COG2: variants seen among roughly 807,000 people sequenced by gnomAD.
The protein encoded by COG2 is conserved oligomeric Golgi complex subunit 2.
In COG2, 52 loss-of-function variants were observed where a neutral mutation model predicts 90.6. The observed-to-expected ratio is 0.57, with a 90% confidence interval of 0.46 to 0.72. COG2 has a LOEUF of 0.72. COG2 is among the 30% of genes least tolerant of loss of function. The pLI is 0.00. For synonymous variants in COG2, 337 were observed against 320.4 expected, an observed-to-expected ratio of 1.05 and a Z score of -0.55; for missense variants, 829 against 891.2, an observed-to-expected ratio of 0.93 and a Z score of 0.89.
chr1:230,691,350 C>A, intron 16 of COG2, 34 bp from the exon 17 acceptor site: 1 of 1,550,374 alleles, frequency 6.5e-7, no homozygotes, highest in South Asian at 1.2e-5. Flanking sequence ...ACACAAATGC[C>A]TCTTTTCACC....
chr1:230,660,162 T>A (rs1662149622), intron 2 of COG2, among the ~76,000 whole-genome samples: 1 of 152,232 alleles, frequency 6.6e-6, no homozygotes, highest in African/African-American at 2.4e-5. Flanking sequence ...TTGGTCATCC[T>A]GTTCCTATTT....
intron 10 of COG2, chr1:230,679,431 T>C (rs74143000): frequency 0.037 from 5,809 of 157,454 alleles, 205 homozygotes; most frequent in East Asian, 0.14. Context: ...AATGAACCTG[T>C]CTCACATCTG....
At chr1:230,645,109 C>A (rs1661734567) in intron 1 of COG2, among the ~76,000 whole-genome samples, 1 of 151,742 alleles carries the variant, frequency 6.6e-6, no homozygotes, top group Non-Finnish European at 1.5e-5. Context: ...GTGGCACATA[C>A]CTGTAGTCCC....
chr1:230,655,757 T>C (rs1296374558), intron 1 of COG2, among the ~76,000 whole-genome samples: 1 of 152,250 alleles, frequency 6.6e-6, no homozygotes, highest in Non-Finnish European at 1.5e-5. Context: ...AGGCTATTAA[T>C]TGCTGCCTCA....
intron 11 of COG2, among the ~76,000 whole-genome samples, chr1:230,684,140 A>G (rs1662827655): frequency 6.6e-6 from 1 of 152,162 alleles, no homozygotes; most frequent in African/African-American, 2.4e-5. Flanking sequence ...GTTTTGGTGT[A>G]TAGAGTTCTT....
intron 7 of COG2, 72 bp downstream of exon 7, chr1:230,669,607 A>G: frequency 7.6e-7 from 1 of 1,310,996 alleles, no homozygotes; most frequent in South Asian, 1.4e-5. Context: ...GGTGTGAGGA[A>G]GATAAGAAGA....
rs142223885 is a variant in COG2 at position 230,671,946 on chromosome 1, A to G, written c.899+306A>G. Among the ~76,000 whole-genome samples, 491 of 152,306 alleles carry G rather than the reference A, an allele frequency of 3.2e-3. 4 individuals carry two copies. The highest frequency in any genetic ancestry group is 8.5e-3 in the African/African-American group (353 of 41,584). On this transcript the variant is annotated intron_variant, in intron 8 of 17. Coordinates refer to ENST00000366669, the MANE Select transcript of COG2 (RefSeq NM_007357.3). ...TTGAAGTCAGAATTGCTTTCCTTCC[A>G]TGATTCTAATATGTCATAATCTGTC...
chr1:230,686,157 T>C (rs1442541221), intron 12 of COG2, among the ~76,000 whole-genome samples: 4 of 152,248 alleles, frequency 2.6e-5, no homozygotes, highest in Admixed American at 1.3e-4. Context: ...AGCTTCTATA[T>C]GTGGCTGTTG....
At chr1:230,653,946 A>C (rs12406126) in intron 1 of COG2, among the ~76,000 whole-genome samples, 8,146 of 152,218 alleles carry the variant, frequency 0.054, 249 homozygotes, top group Middle Eastern at 0.088. Context: ...TCTTAAAGGT[A>C]TCCTCTCAAC....
chr1:230,680,438 T>G (rs2986727), intron 10 of COG2: 49,344 of 152,024 alleles, frequency 0.32, 9,584 homozygotes, highest in Non-Finnish European at 0.44. Flanking sequence ...CTCCTGGAGC[T>G]CCCATGGGCT....
intron 10 of COG2, chr1:230,679,458 A>G (rs1334772713): frequency 6.5e-6 from 1 of 154,774 alleles, no homozygotes; most frequent in Admixed American, 6.5e-5. Flanking sequence ...CTCGTCTGAG[A>G]TACTTTTCCC....
At chr1:230,646,092 C>A (rs1661769864) in intron 1 of COG2, among the ~76,000 whole-genome samples, 1 of 152,166 alleles carries the variant, frequency 6.6e-6, no homozygotes, top group Non-Finnish European at 1.5e-5. Context: ...CACACTTCTT[C>A]CCATTGGCTT....
intron 8 of COG2, among the ~76,000 whole-genome samples, chr1:230,672,258 C>T (rs1267647368): frequency 6.6e-6 from 1 of 152,124 alleles, no homozygotes; most frequent in African/African-American, 2.4e-5. Flanking sequence ...CTTCATGAAT[C>T]TTTAGTGGCT....
chr1:230,685,830 C>A (rs1415448492), intron 12 of COG2, among the ~76,000 whole-genome samples: 1 of 152,162 alleles, frequency 6.6e-6, no homozygotes, highest in Admixed American at 6.5e-5. Flanking sequence ...CTTGCTGGGA[C>A]CTCGGATTGC....
At chr1:230,686,014 T>C (rs11122571) in intron 12 of COG2, among the ~76,000 whole-genome samples, 46,741 of 152,160 alleles carry the variant, frequency 0.31, 7,342 homozygotes, top group African/African-American at 0.34. Flanking sequence ...AGGATCCCAG[T>C]CATCCTCTTG....
At chr1:230,675,821 TTC>T (rs1662577883) in intron 9 of COG2, among the ~76,000 whole-genome samples, 1 of 152,026 alleles carries the variant, frequency 6.6e-6, no homozygotes, top group Non-Finnish European at 1.5e-5. Flanking sequence ...AATTTTTCTT[TTC>T]TTTTTCTTTT....
At chr1:230,647,220 T>C (rs1276399373) in intron 1 of COG2, among the ~76,000 whole-genome samples, 3 of 152,210 alleles carry the variant, frequency 2.0e-5, no homozygotes, top group Admixed American at 1.3e-4. Flanking sequence ...GTAGCTATCT[T>C]GGTTATCTGA....
chr1:230,688,562 G>A lies in COG2; in HGVS notation c.1794G>A (p.Lys598=). ...EVPRLYRRTN[K]EVPTTASSYV... ...CCAGGCTTTACCGAAGAACCAATAA[G>A]GTCAGCGCCATTTATGGGAGAGAAT... Residue 598 remains lysine (K), a splice_region_variant and synonymous_variant, in exon 15 of 18, where the codon AAG becomes AAA. Coordinates refer to ENST00000366669, the MANE Select transcript of COG2 (RefSeq NM_007357.3). 1.2e-6 allele frequency: 2 copies of A among 1,613,864 alleles called. No homozygotes were observed. The highest frequency in any genetic ancestry group is 1.7e-6 in the Non-Finnish European group (2 of 1,179,888).
At chr1:230,685,392 G>A (rs1359824736) in intron 12 of COG2, among the ~76,000 whole-genome samples, 156 bp downstream of exon 12, 3 of 152,262 alleles carry the variant, frequency 2.0e-5, no homozygotes, top group African/African-American at 7.2e-5. Context: ...CTCTGTGTCT[G>A]TGTTTCATTT....
Sources: gnomAD v4.1 joint callset for allele counts (sites outside exome capture counted in the v4.1 genomes callset) on GRCh38, gnomAD v4.1.1 for gene constraint, MANE v1.5 for transcripts, NCBI Gene and HGNC (gene_info 2026-07-23, HGNC 2026-07-21) for gene names.